CD4: variants seen among roughly 807,000 people sequenced by gnomAD.
CD4 encodes T-cell surface glycoprotein CD4.
In CD4, 25 loss-of-function variants were observed where a neutral mutation model predicts 50.5. That is an observed-to-expected ratio of 0.49 (90% CI 0.36 to 0.69). The LOEUF is 0.69. Among genes scored for constraint, CD4 ranks in the 30% least tolerant of loss-of-function variants. The pLI, the probability that CD4 is intolerant of heterozygous loss-of-function variation, is 0.00. For missense variants in CD4, 456 were observed against 548.5 expected (o/e 0.83, Z 1.68); for synonymous variants, 207 against 221.9 (o/e 0.93, Z 0.60).
intron 3 of CD4, among the ~76,000 whole-genome samples, chr12:6,808,387 G>GC (rs71067138): frequency 0.9 from 124,877 of 138,708 alleles, 55,545 homozygotes; most frequent in Non-Finnish European, 0.97. Context: ...AGGAGGCGAA[G>GC]TTGCAGCGAG....
intron 3 of CD4, among the ~76,000 whole-genome samples, chr12:6,807,486 T>C (rs1942799647): frequency 6.6e-6 from 1 of 152,144 alleles, no homozygotes; most frequent in African/African-American, 2.4e-5. Flanking sequence ...ACTGTATTAA[T>C]CCATTTATAT....
intron 3 of CD4, among the ~76,000 whole-genome samples, chr12:6,806,318 TTTTTGA>T (rs1233278732): frequency 2.0e-5 from 3 of 151,814 alleles, no homozygotes; most frequent in Non-Finnish European, 4.4e-5. Flanking sequence ...TATTTATTTA[TTTTTGA>T]GACAGAGTCT....
chr12:6,789,837 A>G (rs1942098349), intron 1 of CD4, among the ~76,000 whole-genome samples, 175 bp downstream of exon 1: 1 of 152,272 alleles, frequency 6.6e-6, no homozygotes, highest in Non-Finnish European at 1.5e-5. Context: ...GTGAGCTTCC[A>G]GAGGTCAGAG....
intron 3 of CD4, among the ~76,000 whole-genome samples, chr12:6,809,900 T>TTC (rs1942886830): frequency 7.0e-6 from 1 of 143,268 alleles, no homozygotes; most frequent in Non-Finnish European, 1.5e-5. Flanking sequence ...CTTTTTTTTT[T>TTC]TTTTTTTGAG....
chr12:6,810,889 T>G (rs1942917482), intron 3 of CD4, among the ~76,000 whole-genome samples: 1 of 151,926 alleles, frequency 6.6e-6, no homozygotes, highest in African/African-American at 2.4e-5. Flanking sequence ...AGTAGGGAAG[T>G]TTTTTTAAAA....
In CD4 at chr12:6,816,961, G is replaced by C. The variant is rs1943097484; in HGVS notation, c.956-169G>C. On this transcript the variant is annotated intron_variant, in intron 6 of 9. Coordinates refer to ENST00000011653, the MANE Select transcript of CD4 (RefSeq NM_000616.5). This position sits in a 1 kb window ranked among gnomAD's most constrained non-coding sequence, Gnocchi z 4.9. ...AGAGACACACAGCTGCTAAGCAGTGGAGCTGGGATTCAAATCCAATACCAC... is the reference window on the plus strand; with the variant it reads ...AGAGACACACAGCTGCTAAGCAGTGCAGCTGGGATTCAAATCCAATACCAC... 6.6e-6 allele frequency among the ~76,000 whole-genome samples: 1 copy of C among 152,202 alleles called. No homozygotes were observed. Among genetic ancestry groups the C allele is most frequent in the Non-Finnish European group, 1.5e-5 (1 of 68,040 alleles).
intron 3 of CD4, among the ~76,000 whole-genome samples, chr12:6,803,342 T>C (rs1942621236): frequency 4.0e-5 from 6 of 150,430 alleles, no homozygotes; most frequent in Admixed American, 4.0e-4. Context: ...GTAGATGGGG[T>C]TTCACCATGT....
At chr12:6,806,638 G>T (rs1329921782) in intron 3 of CD4, among the ~76,000 whole-genome samples, 1 of 152,074 alleles carries the variant, frequency 6.6e-6, no homozygotes, top group African/African-American at 2.4e-5. Context: ...AGGCCGAAAA[G>T]GACATACAGT....
chr12:6,819,446 T>C lies in CD4; in HGVS notation c.*117T>C. 1.0e-6 allele frequency: 1 copy of C among 963,080 alleles called. No homozygotes were observed. The highest frequency in any genetic ancestry group is 1.3e-5 in the South Asian group (1 of 75,904). 59.7% of individuals were successfully genotyped at this position (963,080 alleles called of 1,614,324 possible). On this transcript the variant is annotated 3_prime_UTR_variant, in exon 10 of 10. Coordinates refer to ENST00000011653, the MANE Select transcript of CD4 (RefSeq NM_000616.5). ...AGCCTCTGGCCTCCTGTTCGCCTCCTCTACAATTTGCCATTGTTTCTCCTG... is the reference window on the plus strand; with the variant it reads ...AGCCTCTGGCCTCCTGTTCGCCTCCCCTACAATTTGCCATTGTTTCTCCTG...
chr12:6,803,787 A>T (rs905445390), intron 3 of CD4, among the ~76,000 whole-genome samples: 13 of 150,130 alleles, frequency 8.7e-5, no homozygotes, highest in African/African-American at 2.5e-4. Context: ...TCCATCACAA[A>T]AAATAAATAA....
At position 6,820,528 on chromosome 12, in the gene CD4, CCCT is replaced by C. The variant is rs1943241093; in HGVS notation, c.*1205_*1207del. 1 of 152,398 alleles carries C rather than the reference CCCT, an allele frequency of 6.6e-6. No individual in the cohort carries two copies. Among genetic ancestry groups the C allele is most frequent in the Non-Finnish European group, 1.5e-5 (1 of 68,152 alleles). The allele number at this position is 152,398 out of a possible 1,614,324, so 9.4% of individuals were successfully genotyped here. A position where few individuals can be genotyped will look rare whatever the true frequency, so the allele number is the denominator to read the frequency against. ...TGCGCCTGCCCCACACCCTCCCTTA[CCCT>C]CCTCCAGACCATTCAGGACACAGGG... On this transcript the variant is annotated 3_prime_UTR_variant, in exon 10 of 10. Transcript: ENST00000011653.
At chr12:6,805,190 AAAAAAAAAAAAAAAAAG>A (rs1436364663) in intron 3 of CD4, among the ~76,000 whole-genome samples, 13 of 69,358 alleles carry the variant, frequency 1.9e-4, no homozygotes, top group African/African-American at 5.9e-4. Flanking sequence ...ATCTCAAAAA[AAAAAAAAAAAAAAAAAG>A]AAAAGAAAAG....
Position 6,820,629 on chromosome 12 carries a change from C to T in CD4, c.*1300C>T, listed in dbSNP as rs1366102030. On this transcript the variant is annotated 3_prime_UTR_variant, in exon 10 of 10. Transcript: ENST00000011653. ...CTCTTCCTACCCTTCCTCACCACTTCCCTCAGTCCCAACTCCTTTTCCCTA... is the reference window on the plus strand; with the variant it reads ...CTCTTCCTACCCTTCCTCACCACTTTCCTCAGTCCCAACTCCTTTTCCCTA... 2.0e-5 allele frequency: 3 copies of T among 152,414 alleles called. No individual in the cohort carries two copies. Among genetic ancestry groups the T allele is most frequent in the African/African-American group, 7.2e-5 (3 of 41,440 alleles). The allele number at this position is 152,414 out of a possible 1,614,324, so 9.4% of individuals were successfully genotyped here.
rs1591564253 is a variant in CD4, at chr12:6,816,428, T to G, written c.955+25T>G. On this transcript the variant is annotated intron_variant, in intron 6 of 9. Coordinates refer to ENST00000011653, the MANE Select transcript of CD4 (RefSeq NM_000616.5). This position sits in a 1 kb window ranked among gnomAD's most constrained non-coding sequence, Gnocchi z 4.9. ...GGTGAGGGGCCAGGCCAGGGAGGGG[T>G]GGGCAGGGGAAGGAGTTGGAGGGGC... is the stretch of plus-strand genomic sequence containing the variant. 9 of 1,466,268 alleles carry G rather than the reference T, an allele frequency of 6.1e-6. No individual in the cohort carries two copies. The highest frequency in any genetic ancestry group is 1.4e-5 in the African/African-American group (1 of 71,886). The allele number at this position is 1,466,268 out of a possible 1,614,324, so 90.8% of individuals were successfully genotyped here. A position where few individuals can be genotyped will look rare whatever the true frequency, so the allele number is the denominator to read the frequency against.
At chr12:6,793,632 A>C (rs572314904) in intron 1 of CD4, among the ~76,000 whole-genome samples, 1 of 150,796 alleles carries the variant, frequency 6.6e-6, no homozygotes, top group South Asian at 2.1e-4. Flanking sequence ...GGTTTAAACA[A>C]AATTGTATCT....
intron 7 of CD4, among the ~76,000 whole-genome samples, chr12:6,817,857 T>TCA (rs60376351): frequency 0.14 from 20,437 of 151,318 alleles, 2,867 homozygotes; most frequent in African/African-American, 0.36. Context: ...ACACATGTAC[T>TCA]CACACATGCA....
At chr12:6,797,547 C>T (rs909426341) in intron 1 of CD4, among the ~76,000 whole-genome samples, 1 of 152,048 alleles carries the variant, frequency 6.6e-6, no homozygotes, top group Non-Finnish European at 1.5e-5. Flanking sequence ...GGACCTGCAC[C>T]GGTGCTGGTC....
At chr12:6,810,043 C>G (rs1555116780) in intron 3 of CD4, among the ~76,000 whole-genome samples, 1 of 152,072 alleles carries the variant, frequency 6.6e-6, no homozygotes, top group Non-Finnish European at 1.5e-5. Context: ...GCGTGCACCA[C>G]CATTCCTGGC....
intron 1 of CD4, among the ~76,000 whole-genome samples, chr12:6,797,497 G>A (rs1030989081): frequency 6.6e-6 from 1 of 152,118 alleles, no homozygotes; most frequent in South Asian, 2.1e-4. Flanking sequence ...AAGTATAGAG[G>A]AATAAAAGTG....
Sources: gnomAD v4.1 joint callset for allele counts (sites outside exome capture counted in the v4.1 genomes callset) on GRCh38, gnomAD v4.1.1 for gene constraint, Gnocchi (gnomAD v3.1) non-coding constraint, MANE v1.5 for transcripts, NCBI Gene and HGNC (gene_info 2026-07-23, HGNC 2026-07-21) for gene names.